Variants in STX3 observed in about 807,000 individuals in gnomAD.
STX3 encodes syntaxin 3.
A neutral mutation model predicts 40.2 loss-of-function variants in STX3; 19 were observed. That is an observed-to-expected ratio of 0.47 (90% CI 0.33 to 0.69). The LOEUF (loss-of-function observed/expected upper bound fraction) is 0.69, where lower values mean the gene tolerates loss of function less well. Ranked by LOEUF, STX3 falls within the 30% of genes least tolerant of loss-of-function variation. STX3 has a pLI of 0.02. For synonymous variants in STX3, 122 were observed against 132.2 expected (o/e 0.92, Z 0.53); for missense variants, 364 against 366.7 (o/e 0.99, Z 0.06).
intron 6 of STX3, 131 bp downstream of exon 6, chr11:59,792,346 A>C: frequency 1.5e-6 from 1 of 679,576 alleles, no homozygotes; most frequent in South Asian, 1.7e-5. Context: ...CTCCTGCACC[A>C]CTGGCACATC....
At chr11:59,798,080 G>C (rs1193692806) in intron 10 of STX3, among the ~76,000 whole-genome samples, 8 of 152,234 alleles carry the variant, frequency 5.3e-5, no homozygotes, top group African/African-American at 1.9e-4. Flanking sequence ...GCTTCTCTTT[G>C]TAAAAGAAGG....
intron 2 of STX3, among the ~76,000 whole-genome samples, chr11:59,774,905 T>C (rs1454499842): frequency 6.6e-6 from 1 of 152,200 alleles, no homozygotes. Context: ...ATATATGTGC[T>C]TAATGAATGA....
intron 5 of STX3, among the ~76,000 whole-genome samples, chr11:59,791,559 A>G (rs1435816065): frequency 2.6e-5 from 4 of 152,130 alleles, no homozygotes; most frequent in Non-Finnish European, 4.4e-5. Flanking sequence ...GAAAAAGTAT[A>G]TATATTGGCG....
chr11:59,793,263 C>A, intron 7 of STX3, 91 bp downstream of exon 7: 3 of 1,606,348 alleles, frequency 1.9e-6, no homozygotes, highest in Non-Finnish European at 2.6e-6. Context: ...GGAGGGGGAG[C>A]TGCAGGTGCA....
Position 59,795,400 on chromosome 11 carries a change from A to G in STX3, c.704A>G (p.Asn235Ser). The change falls in exon 9 of 11, where the codon AAT (asparagine) becomes AGT (serine). Residue 235 changes from asparagine (N) to serine (S), a missense_variant. Transcript: ENST00000337979. ...GAGATGTTAGATAACATAGAGTTGA[A>G]TGTCATGCACACAGTGGACCACGTG... ...QGEMLDNIEL[N>S]VMHTVDHVEK... 5.0e-6 allele frequency: 8 copies of G among 1,613,534 alleles called. No individual in the cohort carries two copies. Among genetic ancestry groups the G allele is most frequent in the Non-Finnish European group, 6.8e-6 (8 of 1,179,846 alleles).
chr11:59,787,286 C>T, intron 3 of STX3, 150 bp downstream of exon 3: 1 of 631,350 alleles, frequency 1.6e-6, no homozygotes, highest in Non-Finnish European at 2.7e-6. Context: ...TCCCCTTTAC[C>T]TTACCTGAGC....
At chr11:59,788,778 G>C (rs528531044) in intron 3 of STX3, 95 bp from the exon 4 acceptor site, 1 of 1,053,948 alleles carries the variant, frequency 9.5e-7, no homozygotes, top group Admixed American at 2.3e-5. Flanking sequence ...GTGGATGCCC[G>C]ATAAAGCTCC....
intron 2 of STX3, among the ~76,000 whole-genome samples, chr11:59,783,262 G>C (rs979466456): frequency 6.6e-6 from 1 of 152,160 alleles, no homozygotes; most frequent in Non-Finnish European, 1.5e-5. Context: ...GATGTGAGCT[G>C]AATATGCATG....
At position 59,795,824 on chromosome 11, in the gene STX3, C is replaced by T. The variant is rs1019012993; in HGVS notation, c.786+342C>T. On this transcript the variant is annotated intron_variant, in intron 9 of 10. Transcript: ENST00000337979. The stretch of plus-strand genomic sequence containing the variant: ...CCCATGCCTCCCTCCCTGTCGTAGC[C>T]TCATCAACCCCTCCCTCAGCTTTTC... The T allele has an allele frequency of 5.7e-6, 5 of 874,510 alleles. No homozygotes were observed. The African/African-American group carries it at 8.3e-5, about 15-fold the overall frequency. 54.2% of individuals were successfully genotyped at this position (874,510 alleles called of 1,614,324 possible).
chr11:59,801,844 A>G lies in STX3; in HGVS notation c.*1020A>G. The G allele has an allele frequency of 1.0e-6, 1 of 985,062 alleles. No homozygotes were observed. Among genetic ancestry groups the G allele is most frequent in the South Asian group, 4.7e-5 (1 of 21,102 alleles). The allele number at this position is 985,062 out of a possible 1,614,324, so 61.0% of individuals were successfully genotyped here. On this transcript the variant is annotated 3_prime_UTR_variant, in exon 11 of 11. Coordinates refer to ENST00000337979, the MANE Select transcript of STX3 (RefSeq NM_004177.5). ...CCTCAAAAAAAAAAAGCCAACTTTG[A>G]GCTAGGATAAAAATTGGGTAAAGGA...
intron 6 of STX3, 50 bp from the exon 7 acceptor site, chr11:59,793,049 G>A (rs929305618): frequency 2.5e-6 from 4 of 1,580,196 alleles, no homozygotes; most frequent in Non-Finnish European, 3.5e-6. Context: ...TTATCAGATG[G>A]TGTTTCACCG....
chr11:59,783,487 A>C lies in STX3; in HGVS notation c.115-3550A>C, dbSNP rs190934857. Reference sequence around the variant, plus strand: ...GAAGTATTGTGAAGTGCATAGCATCATTTCTGATACAAGAATATGTTTAGT... The same window carrying C: ...GAAGTATTGTGAAGTGCATAGCATCCTTTCTGATACAAGAATATGTTTAGT... On this transcript the variant is annotated intron_variant, in intron 2 of 10. Coordinates refer to ENST00000337979, the MANE Select transcript of STX3 (RefSeq NM_004177.5). Among the ~76,000 whole-genome samples the C allele has an allele frequency of 4.6e-5, 7 of 152,368 alleles. No homozygotes were observed. The East Asian group carries it at 1.3e-3, about 29-fold the overall frequency.
chr11:59,769,372 C>T lies in STX3; in HGVS notation c.31-3839C>T, dbSNP rs201681674. On this transcript the variant is annotated intron_variant, in intron 1 of 10. Transcript: ENST00000337979. Reference sequence around the variant, plus strand: ...TTTTCAGCGGGGCAGCGGGGTTAGGCGCTGATGTATGCCTGGTATTGTGCT... The same window carrying T: ...TTTTCAGCGGGGCAGCGGGGTTAGGTGCTGATGTATGCCTGGTATTGTGCT... Among the ~76,000 whole-genome samples, 10 of 152,040 alleles carry T rather than the reference C, an allele frequency of 6.6e-5. 1 individual carries two copies. In the East Asian group the frequency reaches 1.9e-3, roughly 29 times the overall value.
At chr11:59,781,851 G>A in intron 2 of STX3, 1 of 853,764 alleles carries the variant, frequency 1.2e-6, no homozygotes, top group Admixed American at 2.5e-5. Flanking sequence ...ATTTTTTGGG[G>A]AAAGTGAAGG....
chr11:59,780,029 C>T (rs1441830071), intron 2 of STX3, among the ~76,000 whole-genome samples: 1 of 152,172 alleles, frequency 6.6e-6, no homozygotes, highest in Non-Finnish European at 1.5e-5. Context: ...AGGCAGGAAG[C>T]CTTGCCAGTC....
intron 9 of STX3, among the ~76,000 whole-genome samples, chr11:59,795,989 C>A (rs781612880): frequency 2.0e-5 from 3 of 152,178 alleles, no homozygotes; most frequent in Non-Finnish European, 4.4e-5. Context: ...CTAATCTTCT[C>A]CTGGACTTAG....
chr11:59,790,264 CA>C (rs1865045638), intron 4 of STX3, among the ~76,000 whole-genome samples: 1 of 152,164 alleles, frequency 6.6e-6, no homozygotes, highest in Non-Finnish European at 1.5e-5. Flanking sequence ...CAGTAAGTGC[CA>C]GGGCAAGGAT....
intron 1 of STX3, among the ~76,000 whole-genome samples, chr11:59,756,341 G>A (rs1411084497): frequency 6.6e-6 from 1 of 152,192 alleles, no homozygotes; most frequent in African/African-American, 2.4e-5. Context: ...TTGTTGGGAG[G>A]ATCAGCTGAT....
chr11:59,760,651 A>C (rs1862982499), intron 1 of STX3, among the ~76,000 whole-genome samples: 1 of 152,150 alleles, frequency 6.6e-6, no homozygotes, highest in African/African-American at 2.4e-5. Flanking sequence ...CCTTGTCTCT[A>C]ATTCTCTCAA....
Sources: gnomAD v4.1 joint callset for allele counts (sites outside exome capture counted in the v4.1 genomes callset) on GRCh38, gnomAD v4.1.1 for gene constraint, MANE v1.5 for transcripts, NCBI Gene and HGNC (gene_info 2026-07-23, HGNC 2026-07-21) for gene names.